The following RAP1A variants were observed in gnomAD, a reference collection of about 807,000 sequenced individuals.
RAP1A encodes RAP1A, member of RAS oncogene family.
Under a neutral mutation model 26.4 loss-of-function variants are expected in RAP1A, and 6 were observed. The observed-to-expected ratio is 0.23, with a 90% CI of 0.12 to 0.45. RAP1A has a LOEUF of 0.45. Among genes scored for constraint, RAP1A ranks in the 20% least tolerant of loss-of-function variants. RAP1A has a pLI of 0.99. For synonymous variants in RAP1A, 73 were observed against 79.4 expected (o/e 0.92, Z 0.43); for missense variants, 121 against 217.2 (o/e 0.56, Z 2.78).
At chr1:111,709,574 C>T (rs1662312738) in intron 7 of RAP1A, among the ~76,000 whole-genome samples, 1 of 152,148 alleles carries the variant, frequency 6.6e-6, no homozygotes, top group African/African-American at 2.4e-5. Flanking sequence ...CTCCCAAATT[C>T]ATTCTTAATT....
chr1:111,662,413 A>T (rs1660669498), intron 1 of RAP1A, among the ~76,000 whole-genome samples: 2 of 151,818 alleles, frequency 1.3e-5, no homozygotes, highest in African/African-American at 2.4e-5. Context: ...AAAAAAAAAA[A>T]AAAAATTAAC....
intron 4 of RAP1A, among the ~76,000 whole-genome samples, chr1:111,701,633 G>A (rs1162129991): frequency 1.3e-5 from 2 of 152,136 alleles, no homozygotes; most frequent in East Asian, 1.9e-4. Context: ...GAAGGAGGTT[G>A]GCATTCTCAA....
At chr1:111,623,401 T>C (rs1659283576) in intron 1 of RAP1A, among the ~76,000 whole-genome samples, 1 of 151,670 alleles carries the variant, frequency 6.6e-6, no homozygotes, top group South Asian at 2.1e-4. Flanking sequence ...ATTATAGCTG[T>C]GACCGCCCCA....
chr1:111,686,066 T>A (rs912877502), intron 1 of RAP1A, among the ~76,000 whole-genome samples: 2 of 149,836 alleles, frequency 1.3e-5, no homozygotes, highest in African/African-American at 4.9e-5. Context: ...TAAGTGGGAG[T>A]TGAATAGTGA....
At chr1:111,593,340 G>A (rs1658503797) in intron 1 of RAP1A, among the ~76,000 whole-genome samples, 1 of 152,190 alleles carries the variant, frequency 6.6e-6, no homozygotes, top group Admixed American at 6.5e-5. Flanking sequence ...TTGCTCTAGG[G>A]CCATTCCCTT....
intron 1 of RAP1A, among the ~76,000 whole-genome samples, chr1:111,633,658 G>T (rs1403817105): frequency 6.6e-6 from 1 of 152,096 alleles, no homozygotes. Flanking sequence ...TCACACCTAG[G>T]ACAAACCTCA....
At chr1:111,682,819 C>T (rs559507083) in intron 1 of RAP1A, among the ~76,000 whole-genome samples, 2 of 152,132 alleles carry the variant, frequency 1.3e-5, no homozygotes, top group Non-Finnish European at 2.9e-5. Flanking sequence ...CTGGACCAAG[C>T]GGACCTAATA....
At chr1:111,706,559 G>T (rs1662199792) in intron 6 of RAP1A, 1 of 262,500 alleles carries the variant, frequency 3.8e-6, no homozygotes, top group African/African-American at 2.3e-5. Flanking sequence ...TCTTAATCAA[G>T]AATTAATTGT....
intron 1 of RAP1A, among the ~76,000 whole-genome samples, chr1:111,638,348 T>C (rs1198064462): frequency 1.3e-5 from 2 of 152,228 alleles, no homozygotes; most frequent in African/African-American, 4.8e-5. Context: ...GCAGCATAAA[T>C]TCCCATTTGT....
intron 1 of RAP1A, among the ~76,000 whole-genome samples, chr1:111,546,845 A>G (rs538240429): frequency 3.9e-5 from 6 of 152,164 alleles, no homozygotes; most frequent in Non-Finnish European, 8.8e-5. Flanking sequence ...AGGAATTGTC[A>G]TATTGGTTTT....
chr1:111,561,324 A>G (rs1330539300), intron 1 of RAP1A, among the ~76,000 whole-genome samples: 1 of 152,078 alleles, frequency 6.6e-6, no homozygotes, highest in Non-Finnish European at 1.5e-5. Flanking sequence ...GGGTTTTGCC[A>G]TGTTTCCCAG....
At chr1:111,687,365 G>A (rs2101229892) in intron 1 of RAP1A, among the ~76,000 whole-genome samples, 1 of 152,012 alleles carries the variant, frequency 6.6e-6, no homozygotes, top group East Asian at 1.9e-4. Context: ...CTGCCACCAT[G>A]CCCAGCTAAT....
chr1:111,593,011 G>A (rs1360224737), intron 1 of RAP1A, among the ~76,000 whole-genome samples: 1 of 152,154 alleles, frequency 6.6e-6, no homozygotes, highest in Non-Finnish European at 1.5e-5. Flanking sequence ...TGCCCAGAGA[G>A]AGGGAGAGAG....
At position 111,695,414 on chromosome 1, in the gene RAP1A, A is replaced by G; in HGVS notation, c.126+5A>G. The stretch of plus-strand genomic sequence containing the variant: ...ATAGAAGATTCCTACAGAAAGGTAA[A>G]ATGTGAAACTTGTACACACATGCTT... On this transcript the variant is annotated splice_donor_5th_base_variant and intron_variant, in intron 3 of 7. Transcript: ENST00000369709. 1.3e-6 allele frequency: 2 copies of G among 1,544,630 alleles called. No individual in the cohort carries two copies. The highest frequency in any genetic ancestry group is 1.7e-6 in the Non-Finnish European group (2 of 1,148,140).
rs953540697 is a variant in RAP1A at position 111,620,457 on chromosome 1, C to A, written c.-28+523C>A. On this transcript the variant is annotated intron_variant, in intron 1 of 7. Coordinates refer to ENST00000369709, the MANE Select transcript of RAP1A (RefSeq NM_002884.4). ...CGCGGGGGCGGGGGGGAGGGACACA[C>A]GGGGAACGGGGTTGGAGGGTTGGGT... is the stretch of plus-strand genomic sequence containing the variant. Among the ~76,000 whole-genome samples the A allele has an allele frequency of 2.0e-5, 3 of 152,164 alleles. No individual in the cohort carries two copies. In the East Asian group the frequency reaches 5.8e-4, roughly 29 times the overall value.
chr1:111,692,166 T>C lies in RAP1A; in HGVS notation c.57+749T>C, dbSNP rs372308148. ...GACATAACTTGGTGCTAGATTGATA[T>C]GGGGACTAGGAGAGAAGGAGCTGTC... is the stretch of plus-strand genomic sequence containing the variant. On this transcript the variant is annotated intron_variant, in intron 2 of 7. Coordinates refer to ENST00000369709, the MANE Select transcript of RAP1A (RefSeq NM_002884.4). Among the ~76,000 whole-genome samples the C allele has an allele frequency of 1.3e-4, 20 of 152,262 alleles. No homozygotes were observed. In the South Asian group the frequency reaches 3.9e-3, roughly 30 times the overall value.
At chr1:111,651,006 G>A (rs1296709862) in intron 1 of RAP1A, among the ~76,000 whole-genome samples, 1 of 152,098 alleles carries the variant, frequency 6.6e-6, no homozygotes, top group African/African-American at 2.4e-5. Flanking sequence ...GTTTCACCAT[G>A]TTAGCCAGGA....
intron 1 of RAP1A, among the ~76,000 whole-genome samples, chr1:111,624,149 TAAGAAGAGTTACGGCCTATTTCC>T (rs1659316755): frequency 6.6e-6 from 1 of 152,248 alleles, no homozygotes; most frequent in Admixed American, 6.5e-5. Context: ...TAATCATTTG[TAAGAAGAGTTACGGCCTATTTCC>T]AAGAATTTTT....
rs968699511 is a variant in RAP1A, at chr1:111,673,083, G to A, written c.-27-18251G>A. ...TTTTGTTCGGCACTCTCTGGTTTGT[G>A]TATTGGTATATTTATGTGATTTCAC... is the stretch of plus-strand genomic sequence containing the variant. On this transcript the variant is annotated intron_variant, in intron 1 of 7. Transcript: ENST00000369709. Among the ~76,000 whole-genome samples, 9 of 152,086 alleles carry A rather than the reference G, an allele frequency of 5.9e-5. No homozygotes were observed. In the East Asian group the frequency reaches 9.6e-4, roughly 16 times the overall value.
Sources: gnomAD v4.1 joint callset for allele counts (sites outside exome capture counted in the v4.1 genomes callset) on GRCh38, gnomAD v4.1.1 for gene constraint, MANE v1.5 for transcripts, NCBI Gene and HGNC (gene_info 2026-07-23, HGNC 2026-07-21) for gene names.